The following TMEM30A variants were observed in gnomAD, a reference collection of about 807,000 sequenced individuals.
The protein encoded by TMEM30A is cell cycle control protein 50A.
In TMEM30A, 24 loss-of-function variants were observed where a neutral mutation model predicts 38.2. The observed-to-expected ratio is 0.63, with a 90% CI of 0.46 to 0.88. The LOEUF (loss-of-function observed/expected upper bound fraction) is 0.88, where lower values mean the gene tolerates loss of function less well. Ranked by LOEUF, TMEM30A falls within the 40% of genes least tolerant of loss-of-function variation. The probability of loss-of-function intolerance (pLI) is 0.00; values close to 1 mark genes in which losing one functional copy is unlikely to be tolerated. For missense variants in TMEM30A, 370 were observed against 458.6 expected (o/e 0.81, Z 1.77); for synonymous variants, 145 against 161.6 (o/e 0.90, Z 0.78).
chr6:75,278,582 G>A lies in TMEM30A; in HGVS notation c.237+5820C>T, dbSNP rs73750967. ...TGAGAGCCAGTTCCTAAGAATGGCTGGGCAGTAAATGATTAGATCAAGTGA... is the reference window on the plus strand; with the variant it reads ...TGAGAGCCAGTTCCTAAGAATGGCTAGGCAGTAAATGATTAGATCAAGTGA... On this transcript the variant is annotated intron_variant, in intron 1 of 6. Transcript: ENST00000230461. Among the ~76,000 whole-genome samples the A allele has an allele frequency of 7.3e-3, 1,105 of 152,218 alleles. 11 individuals carry two copies. The highest frequency in any genetic ancestry group is 0.025 in the African/African-American group (1,058 of 41,514).
At chr6:75,259,678 C>G (rs1228436443) in intron 4 of TMEM30A, among the ~76,000 whole-genome samples, 188 bp from the exon 5 acceptor site, 1 of 152,194 alleles carries the variant, frequency 6.6e-6, no homozygotes, top group Non-Finnish European at 1.5e-5. Flanking sequence ...TCTAGATGGA[C>G]TTCTCTTCCT....
chr6:75,268,519 C>G (rs1268119341), intron 1 of TMEM30A, among the ~76,000 whole-genome samples: 1 of 152,170 alleles, frequency 6.6e-6, no homozygotes, highest in Non-Finnish European at 1.5e-5. Context: ...TGAAGGACAG[C>G]TTTCTGGTTG....
chr6:75,268,895 A>G (rs1297534234), intron 1 of TMEM30A, among the ~76,000 whole-genome samples: 1 of 152,164 alleles, frequency 6.6e-6, no homozygotes. Context: ...CTATTTCAGG[A>G]TGGTTAGTGC....
chr6:75,267,781 T>C (rs1772094195), intron 1 of TMEM30A, 33 bp from the exon 2 acceptor site: 3 of 1,456,696 alleles, frequency 2.1e-6, no homozygotes, highest in South Asian at 2.5e-5. Context: ...AGCACTTCCT[T>C]AGAGAAAGTG....
chr6:75,256,237 C>G lies in TMEM30A; in HGVS notation c.951G>C (p.Trp317Cys). Residue 317 changes from tryptophan (W) to cysteine (C), a missense_variant, in exon 7 of 7, where the codon TGG becomes TGC. Physicochemically the swap from Trp to Cys is radical, Grantham distance 215. Transcript: ENST00000230461. ...CCAAAAATGGATTTTTTCCTCCCATCCATGAAATAGTGCTCAAGATCATCC... is the reference window on the plus strand; with the variant it reads ...CCAAAAATGGATTTTTTCCTCCCATGCATGAAATAGTGCTCAAGATCATCC... ...RKRMILSTIS[W>C]MGGKNPFLGI... is the part of the protein sequence containing the mutation. The G allele has an allele frequency of 6.2e-7, 1 of 1,613,604 alleles. No homozygotes were observed. The highest frequency in any genetic ancestry group is 8.5e-7 in the Non-Finnish European group (1 of 1,179,642).
At chr6:75,271,338 T>C (rs1175831818) in intron 1 of TMEM30A, among the ~76,000 whole-genome samples, 1 of 152,178 alleles carries the variant, frequency 6.6e-6, no homozygotes, top group African/African-American at 2.4e-5. Flanking sequence ...TAACATTTTA[T>C]TGGAACCAAG....
At chr6:75,261,588 A>G (rs1272097025) in intron 3 of TMEM30A, among the ~76,000 whole-genome samples, 1 of 152,198 alleles carries the variant, frequency 6.6e-6, no homozygotes, top group Non-Finnish European at 1.5e-5. Context: ...ATGGGATTCA[A>G]CTAGAGATCA....
intron 3 of TMEM30A, among the ~76,000 whole-genome samples, chr6:75,261,239 T>C (rs1771959172): frequency 6.6e-6 from 1 of 152,210 alleles, no homozygotes; most frequent in Non-Finnish European, 1.5e-5. Flanking sequence ...TAAGAAATGG[T>C]CTATTGCCAA....
chr6:75,270,967 A>G (rs1461774324), intron 1 of TMEM30A, among the ~76,000 whole-genome samples: 1 of 152,194 alleles, frequency 6.6e-6, no homozygotes, highest in South Asian at 2.1e-4. Context: ...CTTTCATTAG[A>G]CCTGTTGGGC....
In TMEM30A at chr6:75,264,452, G is replaced by A. The variant is rs138727920; in HGVS notation, c.453+779C>T. Among the ~76,000 whole-genome samples, 1,047 of 151,946 alleles carry A rather than the reference G, an allele frequency of 6.9e-3. 12 individuals carry two copies. The highest frequency in any genetic ancestry group is 0.024 in the African/African-American group (990 of 41,440). ...AGAATTTGAGACCAGTCTGGCCAGC[G>A]TGGCGAAACCCCGTCTCTACTAAAA... On this transcript the variant is annotated intron_variant, in intron 3 of 6. Transcript: ENST00000230461.
chr6:75,264,363 C>T (rs565478527), intron 3 of TMEM30A, among the ~76,000 whole-genome samples: 13 of 152,282 alleles, frequency 8.5e-5, no homozygotes, highest in African/African-American at 3.1e-4. Flanking sequence ...GGGCCGGACA[C>T]GGTGGCTCAA....
intron 1 of TMEM30A, among the ~76,000 whole-genome samples, chr6:75,276,626 C>T (rs1772264903): frequency 6.6e-6 from 1 of 152,170 alleles, no homozygotes; most frequent in Non-Finnish European, 1.5e-5. Flanking sequence ...TTTTTCCTGT[C>T]AGAAATACCC....
intron 1 of TMEM30A, among the ~76,000 whole-genome samples, chr6:75,281,284 C>T (rs1374922493): frequency 6.6e-6 from 1 of 152,130 alleles, no homozygotes; most frequent in Non-Finnish European, 1.5e-5. Context: ...GTCTCACCAA[C>T]AAGGGTCCTA....
intron 4 of TMEM30A, 35 bp downstream of exon 4, chr6:75,260,789 A>T (rs1217145959): frequency 7.6e-7 from 1 of 1,313,382 alleles, no homozygotes; most frequent in Admixed American, 2.6e-5. Context: ...AAATTGTCCT[A>T]ATTATATATG....
At chr6:75,272,754 A>G (rs184087398) in intron 1 of TMEM30A, 6 of 152,300 alleles carry the variant, frequency 3.9e-5, no homozygotes, top group Admixed American at 2.6e-4. Context: ...TAAAAATACA[A>G]TTACCCTGGC....
intron 3 of TMEM30A, 135 bp downstream of exon 3, chr6:75,265,096 C>CG (rs201790806): frequency 0.03 from 15,557 of 523,072 alleles, 357 homozygotes; most frequent in Non-Finnish European, 0.04. Context: ...GACTCCATCT[C>CG]GGGGGGAAAA....
At chr6:75,264,596 A>G (rs1772032424) in intron 3 of TMEM30A, among the ~76,000 whole-genome samples, 1 of 152,064 alleles carries the variant, frequency 6.6e-6, no homozygotes, top group Non-Finnish European at 1.5e-5. Context: ...AGGTCGCGCC[A>G]CTGCACTCCA....
At chr6:75,267,871 A>G in intron 1 of TMEM30A, 123 bp from the exon 2 acceptor site, 1 of 540,810 alleles carries the variant, frequency 1.8e-6, no homozygotes, top group Non-Finnish European at 3.1e-6. Context: ...TCAGACAAAA[A>G]CTGTTTTTAA....
chr6:75,276,491 G>T (rs962292802), intron 1 of TMEM30A, among the ~76,000 whole-genome samples: 52 of 152,144 alleles, frequency 3.4e-4, no homozygotes, highest in African/African-American at 1.2e-3. Flanking sequence ...CGAAATTATA[G>T]GACACCCAAT....
Sources: allele counts gnomAD v4.1 joint callset (sites outside exome capture counted in the v4.1 genomes callset), GRCh38; gene constraint gnomAD v4.1.1; transcripts MANE v1.5; gene names NCBI Gene and HGNC (gene_info 2026-07-23, HGNC 2026-07-21).